The following PREX1 variants were observed in gnomAD, a reference collection of about 807,000 sequenced individuals.
PREX1 encodes the protein phosphatidylinositol 3,4,5-trisphosphate-dependent Rac exchanger 1 protein.
Under a neutral mutation model 198.3 loss-of-function variants are expected in PREX1, and 41 were observed. The ratio of observed to expected loss-of-function variants is 0.21; its 90% CI spans 0.16 to 0.27. The LOEUF is 0.27. PREX1 is among the 10% of genes least tolerant of loss of function. The pLI is 1.00. For missense variants in PREX1, 1,620 were observed against 2,200.7 expected (o/e 0.74, Z 5.28); for synonymous variants, 843 against 887.2 (o/e 0.95, Z 0.89).
chr20:48,802,593 G>A (rs1433375813), intron 1 of PREX1, among the ~76,000 whole-genome samples: 1 of 152,164 alleles, frequency 6.6e-6, no homozygotes, highest in African/African-American at 2.4e-5. Flanking sequence ...TGTCTGCATA[G>A]CACTTGTCAC....
chr20:48,742,658 G>C (rs1207587956), intron 3 of PREX1, among the ~76,000 whole-genome samples: 1 of 152,158 alleles, frequency 6.6e-6, no homozygotes, highest in Non-Finnish European at 1.5e-5. Flanking sequence ...GGCTACATGA[G>C]GAGGGTCCCA....
chr20:48,745,917 CCCTT>C (rs1488350924), intron 2 of PREX1, among the ~76,000 whole-genome samples: 1 of 152,206 alleles, frequency 6.6e-6, no homozygotes, highest in Non-Finnish European at 1.5e-5. Flanking sequence ...ATGCTGTTAA[CCCTT>C]CCTGCAATGT....
intron 1 of PREX1, among the ~76,000 whole-genome samples, chr20:48,812,482 GTAAGAGGAATGGGTAAATAATA>G (rs1316636489): frequency 2.1e-5 from 3 of 143,574 alleles, no homozygotes; most frequent in Non-Finnish European, 4.6e-5. Flanking sequence ...GGTAAATAAT[GTAAGAGGAATGGGTAAATAATA>G]TAAGAGGAAT....
intron 1 of PREX1, among the ~76,000 whole-genome samples, chr20:48,758,819 C>T (rs112470682): frequency 0.032 from 4,888 of 152,222 alleles, 134 homozygotes; most frequent in African/African-American, 0.071. Flanking sequence ...CTATCGAAAA[C>T]GCCTATCCCT....
chr20:48,645,947 C>T lies in PREX1; in HGVS notation c.3416G>A (p.Ser1139Asn), dbSNP rs377685398. 7.4e-6 allele frequency: 12 copies of T among 1,614,118 alleles called. No individual in the cohort carries two copies. The highest frequency in any genetic ancestry group is 2.2e-5 in the East Asian group (1 of 44,892). The stretch of plus-strand genomic sequence containing the variant: ...CACCTTCTTGATGCCCCCATGGTCA[C>T]TCCTGTCCATCTCGCTCTCTTCACT... The part of the protein sequence containing the change: ...LVSEESEMDR[S>N]DHGGIKKVCF... The change falls in exon 26 of 40, where the codon AGT becomes AAT. Residue 1139 changes from serine (S) to asparagine (N), a missense_variant. Physicochemically the swap from Ser to Asn is conservative, Grantham distance 46. Transcript: ENST00000371941.
the PREX1 span, among the ~76,000 whole-genome samples, chr20:48,834,183 G>C: frequency 1.2e-4 from 19 of 152,172 alleles, no homozygotes; most frequent in African/African-American, 2.2e-4. Flanking sequence ...TAACGTGAAG[G>C]CTGGATTGGG....
chr20:48,637,752 T>C lies in PREX1; in HGVS notation c.3905A>G (p.Asp1302Gly). ...LVDNIQRYVEDGKNQLLLALL... is the reference protein window; with the variant it reads ...LVDNIQRYVEGGKNQLLLALL... Reference sequence around the variant, plus strand: ...GGCCAGGAGCAGCTGGTTCTTCCCATCTGGAAGGAGAAGGGAGACAGAAAG... The same window carrying C: ...GGCCAGGAGCAGCTGGTTCTTCCCACCTGGAAGGAGAAGGGAGACAGAAAG... Residue 1302 changes from aspartate to glycine, a missense_variant and splice_region_variant, in exon 31 of 40, where the codon GAT becomes GGT. Asp to Gly is a moderately conservative substitution (Grantham distance 94, BLOSUM62 -1). Around this residue, in one of 7 missense-constraint regions of PREX1, gnomAD observed 476 missense variants for 603.4 expected, o/e 0.79. Coordinates refer to ENST00000371941, the MANE Select transcript of PREX1 (RefSeq NM_020820.4). 6.2e-7 allele frequency: 1 copy of C among 1,610,168 alleles called. No individual in the cohort carries two copies.
At position 48,627,595 on chromosome 20, in the gene PREX1, C is replaced by T; in HGVS notation, c.4890G>A (p.Leu1630=). 3 of 1,613,018 alleles carry T rather than the reference C, an allele frequency of 1.9e-6. No homozygotes were observed. The highest frequency in any genetic ancestry group is 2.5e-6 in the Non-Finnish European group (3 of 1,179,738). ...MRKQGPRVEI[L]AKNLRVKDQM... ...GGTCCTTGACTCGCAGGTTTTTGGC[C>T]AGAATCTCCACCCTTGGGCCCTGGA... is the stretch of plus-strand genomic sequence containing the variant. Residue 1630 remains leucine (L), a synonymous_variant, in exon 39 of 40, where the codon CTG becomes CTA. Coordinates refer to ENST00000371941, the MANE Select transcript of PREX1 (RefSeq NM_020820.4).
chr20:48,628,135 C>G (rs944374246), intron 37 of PREX1, among the ~76,000 whole-genome samples, 172 bp from the exon 38 acceptor site: 4 of 152,140 alleles, frequency 2.6e-5, no homozygotes, highest in Non-Finnish European at 4.4e-5. Flanking sequence ...CGTCCCTCCC[C>G]GCTTGCTCCT....
At chr20:48,674,204 A>G in intron 14 of PREX1, among the ~76,000 whole-genome samples, 1 of 152,248 alleles carries the variant, frequency 6.6e-6, no homozygotes, top group Non-Finnish European at 1.5e-5. Flanking sequence ...TAGCAAACAT[A>G]TTAAAATGCA....
At chr20:48,863,400 A>T in the PREX1 span, among the ~76,000 whole-genome samples, 6 of 152,178 alleles carry the variant, frequency 3.9e-5, no homozygotes, top group East Asian at 1.2e-3. Flanking sequence ...TAGGTAGAAT[A>T]GTTTCACTGC....
intron 13 of PREX1, among the ~76,000 whole-genome samples, chr20:48,678,040 G>A (rs1308492530): frequency 1.2e-4 from 18 of 151,416 alleles, no homozygotes; most frequent in Admixed American, 1.2e-3. Flanking sequence ...AAGGCCAGGT[G>A]CAGTGGTTCA....
intron 15 of PREX1, among the ~76,000 whole-genome samples, chr20:48,663,710 A>G (rs2089613482): frequency 6.6e-6 from 1 of 152,264 alleles, no homozygotes; most frequent in African/African-American, 2.4e-5. Flanking sequence ...CAATATCAGA[A>G]AGGAGAAACA....
the PREX1 span, among the ~76,000 whole-genome samples, chr20:48,852,308 A>T: frequency 1.3e-5 from 2 of 151,800 alleles, no homozygotes; most frequent in Non-Finnish European, 2.9e-5. Context: ...AGGCCCACCC[A>T]GACCCACCGA....
At chr20:48,834,506 A>G in the PREX1 span, among the ~76,000 whole-genome samples, 1 of 152,050 alleles carries the variant, frequency 6.6e-6, no homozygotes, top group Non-Finnish European at 1.5e-5. Flanking sequence ...CACCCTCTCC[A>G]AATGCCATTT....
At chr20:48,676,107 A>C (rs1406355541) in intron 14 of PREX1, 86 bp downstream of exon 14, 2 of 1,351,574 alleles carry the variant, frequency 1.5e-6, no homozygotes, top group Non-Finnish European at 2.1e-6. Context: ...TAAAAGCAAT[A>C]AGAAAAAATC....
intron 10 of PREX1, among the ~76,000 whole-genome samples, chr20:48,687,991 C>A (rs906941483): frequency 6.6e-6 from 1 of 152,138 alleles, no homozygotes; most frequent in Non-Finnish European, 1.5e-5. Context: ...CCTGCCAACA[C>A]CCTGACCTAG....
At chr20:48,656,630 G>A (rs1402256922) in intron 18 of PREX1, 11 of 441,390 alleles carry the variant, frequency 2.5e-5, no homozygotes, top group South Asian at 8.1e-5. Flanking sequence ...TCTTCACCCC[G>A]ACTCGCAGTG....
chr20:48,633,958 A>AGATG (rs1453667354), intron 33 of PREX1, among the ~76,000 whole-genome samples: 1 of 152,210 alleles, frequency 6.6e-6, no homozygotes, highest in Non-Finnish European at 1.5e-5. Flanking sequence ...ACATGTAAAT[A>AGATG]GATGGATGGA....
Sources: gnomAD v4.1 joint callset for allele counts (sites outside exome capture counted in the v4.1 genomes callset) on GRCh38, gnomAD v4.1.1 for gene constraint, gnomAD v4.1.1 regional missense constraint, MANE v1.5 for transcripts, NCBI Gene and HGNC (gene_info 2026-07-23, HGNC 2026-07-21) for gene names.